The following RAB3GAP2 variants were observed in gnomAD, a reference collection of about 807,000 sequenced individuals.
RAB3GAP2 encodes the protein rab3 GTPase-activating protein non-catalytic subunit.
A neutral mutation model predicts 185.3 loss-of-function variants in RAB3GAP2; 87 were observed. That is an observed-to-expected ratio of 0.47 (90% CI 0.39 to 0.56). The LOEUF (loss-of-function observed/expected upper bound fraction) is 0.56, where lower values mean the gene tolerates loss of function less well. Among genes scored for constraint, RAB3GAP2 ranks in the 20% least tolerant of loss-of-function variants. The pLI is 0.00. For missense variants in RAB3GAP2, 1,492 were observed against 1,638.2 expected, an observed-to-expected ratio of 0.91 and a Z score of 1.54; for synonymous variants, 554 against 576.1, an observed-to-expected ratio of 0.96 and a Z score of 0.55.
chr1:220,151,820 C>A, intron 33 of RAB3GAP2, 56 bp from the exon 34 acceptor site: 1 of 1,529,226 alleles, frequency 6.5e-7, no homozygotes, highest in South Asian at 1.1e-5. Flanking sequence ...TTTGTTTATT[C>A]TATAGGAAAG....
intron 1 of RAB3GAP2, chr1:220,266,081 C>T (rs1660222313): frequency 6.5e-6 from 1 of 154,410 alleles, no homozygotes; most frequent in African/African-American, 2.4e-5. Context: ...TTTAAAGCTA[C>T]AGAGGACAGT....
At chr1:220,203,182 C>CA (rs995314442) in intron 8 of RAB3GAP2, among the ~76,000 whole-genome samples, 5 of 152,168 alleles carry the variant, frequency 3.3e-5, no homozygotes, top group Admixed American at 6.5e-5. Flanking sequence ...ACAGCACTGT[C>CA]AAAAAAATGA....
chr1:220,243,682 C>G (rs961574069), intron 1 of RAB3GAP2, among the ~76,000 whole-genome samples: 2 of 152,104 alleles, frequency 1.3e-5, no homozygotes, highest in Admixed American at 1.3e-4. Context: ...TGTCACTGGT[C>G]GTTTTGAGTC....
At chr1:220,258,826 T>G (rs1660083361) in intron 1 of RAB3GAP2, among the ~76,000 whole-genome samples, 1 of 152,150 alleles carries the variant, frequency 6.6e-6, no homozygotes, top group Middle Eastern at 3.2e-3. Context: ...TGATCCTATA[T>G]CTAGAAAACC....
intron 6 of RAB3GAP2, 68 bp from the exon 7 acceptor site, chr1:220,210,557 G>A (rs1659061705): frequency 1.6e-6 from 2 of 1,231,062 alleles, no homozygotes; most frequent in African/African-American, 3.0e-5. Context: ...GTATGGCCAG[G>A]CAAAGAGTAC....
intron 24 of RAB3GAP2, among the ~76,000 whole-genome samples, chr1:220,170,107 T>C (rs1345027225): frequency 2.0e-5 from 3 of 152,234 alleles, no homozygotes; most frequent in Non-Finnish European, 4.4e-5. Flanking sequence ...GATGAGTTCA[T>C]GTCCTTTGCA....
intron 32 of RAB3GAP2, 50 bp downstream of exon 32, chr1:220,153,918 A>C (rs1302719538): frequency 3.1e-6 from 5 of 1,605,548 alleles, no homozygotes; most frequent in Middle Eastern, 1.7e-4. Flanking sequence ...TTTTTCCCTT[A>C]TGTTTTTTTT....
chr1:220,162,010 G>A (rs1432635387), intron 28 of RAB3GAP2, among the ~76,000 whole-genome samples, 188 bp downstream of exon 28: 1 of 152,134 alleles, frequency 6.6e-6, no homozygotes, highest in East Asian at 1.9e-4. Context: ...GTCTCTTTAT[G>A]AGGATTTAGA....
intron 21 of RAB3GAP2, among the ~76,000 whole-genome samples, chr1:220,174,019 C>CAAAAAAAAA (rs398050108): frequency 2.0e-5 from 1 of 50,998 alleles, no homozygotes; most frequent in Non-Finnish European, 4.0e-5. Flanking sequence ...GACTCTGTCT[C>CAAAAAAAAA]AAAAAAAAAA....
chr1:220,253,689 G>A (rs1332103145), intron 1 of RAB3GAP2: 2 of 1,608,228 alleles, frequency 1.2e-6, no homozygotes, highest in South Asian at 2.2e-5. Context: ...ACAAACAAGT[G>A]AAATACTTCA....
chr1:220,224,669 G>C lies in RAB3GAP2; in HGVS notation c.180+8130C>G, dbSNP rs577119307. Among the ~76,000 whole-genome samples the C allele has an allele frequency of 2.0e-5, 3 of 152,154 alleles. No individual in the cohort carries two copies. The South Asian group carries it at 6.2e-4, about 32-fold the overall frequency. ...AGAATTCTTTTTAAAGGCAAAACCA[G>C]TAAGGACAAAAAAACTTTCCTCCAA... On this transcript the variant is annotated intron_variant, in intron 2 of 34. Coordinates refer to ENST00000358951, the MANE Select transcript of RAB3GAP2 (RefSeq NM_012414.4).
chr1:220,174,766 T>C (rs933890904), intron 21 of RAB3GAP2, among the ~76,000 whole-genome samples: 2 of 152,236 alleles, frequency 1.3e-5, no homozygotes, highest in African/African-American at 2.4e-5. Context: ...GCTTTATATG[T>C]ATAGATACAT....
intron 1 of RAB3GAP2, chr1:220,253,895 A>C: frequency 6.2e-7 from 1 of 1,613,674 alleles, no homozygotes; most frequent in Non-Finnish European, 8.5e-7. Flanking sequence ...GTTGAAGTGA[A>C]AACGAAAAAG....
At chr1:220,159,931 C>A (rs944760129) in intron 28 of RAB3GAP2, among the ~76,000 whole-genome samples, 16 of 151,954 alleles carry the variant, frequency 1.1e-4, no homozygotes, top group African/African-American at 3.9e-4. Flanking sequence ...GCAGGGGAAT[C>A]ACTTGAACTC....
chr1:220,176,100 G>A (rs1176193962), intron 21 of RAB3GAP2, among the ~76,000 whole-genome samples: 6 of 151,930 alleles, frequency 3.9e-5, no homozygotes, highest in Non-Finnish European at 7.4e-5. Flanking sequence ...ACACATATAT[G>A]GACACATATA....
chr1:220,182,207 G>T (rs748463480), intron 21 of RAB3GAP2, 50 bp downstream of exon 21: 3 of 1,612,154 alleles, frequency 1.9e-6, no homozygotes, highest in Non-Finnish European at 2.5e-6. Context: ...TGACACTTCT[G>T]GGTGACATTC....
At chr1:220,213,727 G>T in intron 3 of RAB3GAP2, 129 bp downstream of exon 3, 1 of 824,222 alleles carries the variant, frequency 1.2e-6, no homozygotes, top group Non-Finnish European at 1.7e-6. Flanking sequence ...GGGCGGAGGA[G>T]GAGTTGGGGG....
intron 7 of RAB3GAP2, 93 bp from the exon 8 acceptor site, chr1:220,206,099 C>T: frequency 1.3e-6 from 1 of 774,300 alleles, no homozygotes; most frequent in Non-Finnish European, 2.1e-6. Flanking sequence ...TGTAACATAA[C>T]CACCCAACAC....
chr1:220,213,752 GAGAAAT>G, intron 3 of RAB3GAP2, 98 bp downstream of exon 3: 1 of 1,146,092 alleles, frequency 8.7e-7, no homozygotes. Flanking sequence ...GGGAGAGAGA[GAGAAAT>G]AAATAAATAA....
Sources: allele counts gnomAD v4.1 joint callset (sites outside exome capture counted in the v4.1 genomes callset), GRCh38; gene constraint gnomAD v4.1.1; transcripts MANE v1.5; gene names NCBI Gene and HGNC (gene_info 2026-07-23, HGNC 2026-07-21).